The following DTNBP1 variants were observed in gnomAD, a reference collection of about 807,000 sequenced individuals.
DTNBP1 encodes dystrobrevin binding protein 1.
Under a neutral mutation model 42.8 loss-of-function variants are expected in DTNBP1, and 35 were observed. The observed-to-expected ratio is 0.82, with a 90% CI of 0.63 to 1.09. The LOEUF (loss-of-function observed/expected upper bound fraction) is 1.09. Ranked by LOEUF, DTNBP1 falls within the 50% of genes least tolerant of loss-of-function variation. The probability of loss-of-function intolerance (pLI) is 0.00; values close to 1 mark genes in which losing one functional copy is unlikely to be tolerated. For synonymous variants in DTNBP1, 171 were observed against 162.2 expected, an observed-to-expected ratio of 1.05 and a Z score of -0.41; for missense variants, 457 against 424.2, an observed-to-expected ratio of 1.08 and a Z score of -0.68.
intron 6 of DTNBP1, among the ~76,000 whole-genome samples, chr6:15,608,755 A>G (rs1758219243): frequency 6.6e-6 from 1 of 152,162 alleles, no homozygotes; most frequent in African/African-American, 2.4e-5. Flanking sequence ...ATTCTTAGTA[A>G]CCATTTTCTA....
At chr6:15,600,056 A>T (rs1457995133) in intron 6 of DTNBP1, among the ~76,000 whole-genome samples, 4 of 150,488 alleles carry the variant, frequency 2.7e-5, no homozygotes, top group Non-Finnish European at 4.4e-5. Context: ...TTTTTTTTTT[A>T]AACTCATGCA....
intron 7 of DTNBP1, among the ~76,000 whole-genome samples, chr6:15,573,211 T>C (rs886989070): frequency 6.6e-6 from 1 of 152,206 alleles, no homozygotes; most frequent in African/African-American, 2.4e-5. Flanking sequence ...AAAATTACAA[T>C]GATCAACATT....
At chr6:15,635,517 G>A (rs936884927) in intron 4 of DTNBP1, among the ~76,000 whole-genome samples, 1 of 152,076 alleles carries the variant, frequency 6.6e-6, no homozygotes, top group African/African-American at 2.4e-5. Flanking sequence ...CTCATTTATG[G>A]AAAATTCTCA....
chr6:15,577,058 AAAGT>A (rs1775609663), intron 7 of DTNBP1, among the ~76,000 whole-genome samples: 1 of 152,254 alleles, frequency 6.6e-6, no homozygotes, highest in African/African-American at 2.4e-5. Flanking sequence ...AATGATATAC[AAAGT>A]AAAATGTGGA....
chr6:15,533,217 C>A (rs1366001577), intron 8 of DTNBP1, 23 bp downstream of exon 8: 1 of 1,612,496 alleles, frequency 6.2e-7, no homozygotes, highest in Non-Finnish European at 8.5e-7. Context: ...GTCCCCACAC[C>A]AGCAGCCCCA....
intron 7 of DTNBP1, among the ~76,000 whole-genome samples, chr6:15,568,726 A>C (rs1206502816): frequency 2.0e-5 from 3 of 152,136 alleles, no homozygotes; most frequent in African/African-American, 7.2e-5. Context: ...AATAGTAAAT[A>C]ATATTTTTTT....
At chr6:15,630,061 A>C (rs1396733899) in intron 4 of DTNBP1, among the ~76,000 whole-genome samples, 1 of 152,246 alleles carries the variant, frequency 6.6e-6, no homozygotes, top group Non-Finnish European at 1.5e-5. Context: ...ATTAAGTTTA[A>C]GGAGCAAGAC....
chr6:15,615,090 T>C (rs751320175), intron 6 of DTNBP1, 177 bp downstream of exon 6: 2 of 899,398 alleles, frequency 2.2e-6, no homozygotes, highest in Non-Finnish European at 1.8e-6. Context: ...TTATAACTCA[T>C]CTCCAAAAGA....
chr6:15,588,555 C>T (rs1304812828), intron 7 of DTNBP1, among the ~76,000 whole-genome samples: 2 of 152,190 alleles, frequency 1.3e-5, no homozygotes, highest in Admixed American at 6.5e-5. Context: ...CCTCCTAATG[C>T]TCTGCATGCC....
At chr6:15,624,655 C>T (rs1759234737) in intron 5 of DTNBP1, among the ~76,000 whole-genome samples, 1 of 152,136 alleles carries the variant, frequency 6.6e-6, no homozygotes, top group African/African-American at 2.4e-5. Flanking sequence ...AGTGAAAGGG[C>T]AACAAGTTCA....
intron 3 of DTNBP1, among the ~76,000 whole-genome samples, chr6:15,640,791 A>T (rs1046341612): frequency 2.0e-5 from 3 of 152,210 alleles, no homozygotes; most frequent in Admixed American, 2.0e-4. Context: ...AAAGGCTTGC[A>T]GCTTCCAGGG....
Position 15,660,814 on chromosome 6 carries a change from C to T in DTNBP1, c.56+2000G>A, listed in dbSNP as rs1308388890. Among the ~76,000 whole-genome samples the T allele has an allele frequency of 2.6e-5, 4 of 152,072 alleles. No homozygotes were observed. In the East Asian group the frequency reaches 7.7e-4, roughly 29 times the overall value. ...GAATGCTTCTGAGGCAACCATGTGA[C>T]CTAGAGTTATAGTAACTACAAGATG... On this transcript the variant is annotated intron_variant, in intron 1 of 9. Coordinates refer to ENST00000344537, the MANE Select transcript of DTNBP1 (RefSeq NM_032122.5).
chr6:15,531,283 C>A (rs987023905), intron 8 of DTNBP1, among the ~76,000 whole-genome samples: 22 of 152,152 alleles, frequency 1.4e-4, no homozygotes, highest in African/African-American at 5.1e-4. Flanking sequence ...TCGGTTTCTA[C>A]CCTTAACAGG....
intron 6 of DTNBP1, among the ~76,000 whole-genome samples, chr6:15,594,803 A>C (rs141022420): frequency 2.2e-4 from 34 of 151,848 alleles, no homozygotes; most frequent in African/African-American, 7.3e-4. Flanking sequence ...GAGAGCTTCT[A>C]ATTTTCTTCT....
intron 4 of DTNBP1, among the ~76,000 whole-genome samples, chr6:15,635,001 T>C (rs1009953508): frequency 4.6e-5 from 7 of 152,218 alleles, no homozygotes; most frequent in African/African-American, 1.7e-4. Flanking sequence ...TATCTGAGTA[T>C]GTCTTGCTTT....
intron 7 of DTNBP1, among the ~76,000 whole-genome samples, chr6:15,542,136 T>C (rs1773602204): frequency 6.6e-6 from 1 of 152,196 alleles, no homozygotes. Flanking sequence ...TGTTTTTATA[T>C]TGAGTTAGGA....
chr6:15,524,093 C>G, intron 9 of DTNBP1: 1 of 1,329,006 alleles, frequency 7.5e-7, no homozygotes, highest in Non-Finnish European at 9.8e-7. Context: ...AGGCCAAGAG[C>G]TGAACACACA....
At chr6:15,590,261 G>A (rs915651037) in intron 7 of DTNBP1, among the ~76,000 whole-genome samples, 23 of 151,992 alleles carry the variant, frequency 1.5e-4, no homozygotes, top group African/African-American at 5.3e-4. Flanking sequence ...TTTTCAATTC[G>A]GATTCAACCT....
intron 6 of DTNBP1, among the ~76,000 whole-genome samples, chr6:15,607,903 C>T (rs546657918): frequency 6.6e-6 from 1 of 152,334 alleles, no homozygotes; most frequent in South Asian, 2.1e-4. Flanking sequence ...GCTCTCTCCA[C>T]CTTTCTGCCC....
Sources: allele counts gnomAD v4.1 joint callset (sites outside exome capture counted in the v4.1 genomes callset), GRCh38; gene constraint gnomAD v4.1.1; transcripts MANE v1.5; gene names NCBI Gene and HGNC (gene_info 2026-07-23, HGNC 2026-07-21).